The following MDN1 variants were observed in gnomAD, a reference collection of about 807,000 sequenced individuals.
MDN1 encodes midasin.
Under a neutral mutation model 669.2 loss-of-function variants are expected in MDN1, and 266 were observed. The observed-to-expected ratio is 0.40, with a 90% confidence interval of 0.36 to 0.44. The LOEUF (loss-of-function observed/expected upper bound fraction) is 0.44. MDN1 is among the 20% of genes least tolerant of loss of function. MDN1 has a pLI of 1.00. For synonymous variants in MDN1, 2,385 were observed against 2,457.1 expected (o/e 0.97, Z 0.87); for missense variants, 5,940 against 6,754.0 (o/e 0.88, Z 4.22).
At chr6:89,816,130 C>A (rs749037777) in intron 1 of MDN1, among the ~76,000 whole-genome samples, 3 of 152,132 alleles carry the variant, frequency 2.0e-5, no homozygotes, top group African/African-American at 4.8e-5. Flanking sequence ...CTGGGCGCAG[C>A]GGCTCACACC....
At chr6:89,671,883 C>G (rs1040559231) in intron 82 of MDN1, among the ~76,000 whole-genome samples, 11 of 152,280 alleles carry the variant, frequency 7.2e-5, no homozygotes, top group African/African-American at 2.6e-4. Context: ...GCTGCTAAGC[C>G]TCAGTTGATA....
chr6:89,770,694 G>T (rs1818038396), intron 15 of MDN1, among the ~76,000 whole-genome samples: 1 of 152,060 alleles, frequency 6.6e-6, no homozygotes, highest in Non-Finnish European at 1.5e-5. Flanking sequence ...GTAGAGATGG[G>T]ATTTCATCAT....
At chr6:89,656,974 G>C (rs909325746) in intron 90 of MDN1, among the ~76,000 whole-genome samples, 173 bp from the exon 91 acceptor site, 4 of 152,190 alleles carry the variant, frequency 2.6e-5, no homozygotes, top group African/African-American at 9.7e-5. Flanking sequence ...CTGGCCTACA[G>C]GCAGAAACAG....
chr6:89,658,670 G>A lies in MDN1; in HGVS notation c.14961C>T (p.Asp4987=). 1 of 1,613,850 alleles carries A rather than the reference G, an allele frequency of 6.2e-7. No homozygotes were observed. The highest frequency in any genetic ancestry group is 8.5e-7 in the Non-Finnish European group (1 of 1,179,732). The change falls in exon 89 of 102, where the codon GAC becomes GAT. Residue 4987 remains aspartate, a synonymous_variant. Coordinates refer to ENST00000369393, the MANE Select transcript of MDN1 (RefSeq NM_014611.3). ...CTCCACCTTCTTCATCGGCTTCCTT[G>A]TCTTTTTCCTCCACAGACTGCTGCT... The part of the protein sequence containing the change: ...EEQQQSVEEK[D]KEADEEGGEN...
intron 13 of MDN1, among the ~76,000 whole-genome samples, chr6:89,774,175 T>C (rs565857782): frequency 7.9e-5 from 12 of 152,312 alleles, no homozygotes; most frequent in African/African-American, 2.4e-4. Flanking sequence ...AGGATACTAA[T>C]ATATTAATTC....
chr6:89,652,002 T>C (rs1380553064), intron 95 of MDN1, among the ~76,000 whole-genome samples, 190 bp downstream of exon 95: 1 of 152,220 alleles, frequency 6.6e-6, no homozygotes, highest in African/African-American at 2.4e-5. Flanking sequence ...AATTAAGCTA[T>C]AGATCTAACA....
intron 13 of MDN1, 37 bp downstream of exon 13, chr6:89,774,584 C>T: frequency 6.7e-7 from 1 of 1,493,040 alleles, no homozygotes; most frequent in South Asian, 1.1e-5. Flanking sequence ...TTTCTGGAAA[C>T]CCCACAGTTG....
intron 20 of MDN1, among the ~76,000 whole-genome samples, chr6:89,754,888 T>C (rs1214152576): frequency 1.3e-5 from 2 of 152,210 alleles, no homozygotes; most frequent in African/African-American, 4.8e-5. Context: ...CTTTGCTACC[T>C]AACAAAATAT....
At chr6:89,732,407 G>A (rs1424258026) in intron 34 of MDN1, 150 bp downstream of exon 34, 2 of 667,288 alleles carry the variant, frequency 3.0e-6, no homozygotes, top group Non-Finnish European at 5.1e-6. Flanking sequence ...ACCTTTCAAA[G>A]AGTACAAACA....
chr6:89,707,248 G>A (rs1436391790), intron 52 of MDN1, 113 bp downstream of exon 52: 14 of 715,224 alleles, frequency 2.0e-5, no homozygotes, highest in Non-Finnish European at 3.1e-5. Context: ...AATCAGGCCA[G>A]CAGATTAAAA....
At chr6:89,741,168 G>C (rs1283867448) in intron 31 of MDN1, among the ~76,000 whole-genome samples, 1 of 152,180 alleles carries the variant, frequency 6.6e-6, no homozygotes, top group African/African-American at 2.4e-5. Context: ...AGAGGCAGAA[G>C]CTGCAGTGAG....
chr6:89,749,494 A>G (rs370012145), intron 25 of MDN1, 49 bp downstream of exon 25: 7 of 1,599,356 alleles, frequency 4.4e-6, no homozygotes, highest in East Asian at 2.2e-5. Context: ...CGAAAAATCT[A>G]CTATCTGATG....
rs1283857038 is a variant in MDN1, at chr6:89,683,923, T to C, written c.11830-19A>G. ...CAAATTCCTGTAAGATAAATGATGTTCAAGAAATGGCTTTATAAAGCTAGT... is the reference window on the plus strand; with the variant it reads ...CAAATTCCTGTAAGATAAATGATGTCCAAGAAATGGCTTTATAAAGCTAGT... On this transcript the variant is annotated intron_variant, in intron 71 of 101. Coordinates refer to ENST00000369393, the MANE Select transcript of MDN1 (RefSeq NM_014611.3). 1 of 1,582,182 alleles carries C rather than the reference T, an allele frequency of 6.3e-7. No individual in the cohort carries two copies. Among genetic ancestry groups the C allele is most frequent in the South Asian group, 1.1e-5 (1 of 89,934 alleles).
At chr6:89,790,917 G>A (rs775574932) in intron 5 of MDN1, among the ~76,000 whole-genome samples, 38 of 152,160 alleles carry the variant, frequency 2.5e-4, no homozygotes, top group Non-Finnish European at 5.9e-5. Flanking sequence ...CAGCTACTCG[G>A]GAAGCTAAGG....
At chr6:89,674,757 G>C (rs1294215547) in intron 78 of MDN1, among the ~76,000 whole-genome samples, 168 bp from the exon 79 acceptor site, 1 of 152,144 alleles carries the variant, frequency 6.6e-6, no homozygotes, top group Non-Finnish European at 1.5e-5. Context: ...GCCTCCCAAA[G>C]TACTTAAACC....
intron 50 of MDN1, among the ~76,000 whole-genome samples, chr6:89,710,129 G>A (rs563820708): frequency 6.6e-6 from 1 of 152,176 alleles, no homozygotes; most frequent in South Asian, 2.1e-4. Context: ...CAAATATCTC[G>A]TGGTTTGAAA....
intron 2 of MDN1, among the ~76,000 whole-genome samples, chr6:89,795,882 G>A (rs1819566277): frequency 6.6e-6 from 1 of 152,194 alleles, no homozygotes; most frequent in Admixed American, 6.6e-5. Context: ...TTGAACCCGG[G>A]AAGCGGAGGT....
At chr6:89,659,686 T>G (rs555105216) in intron 88 of MDN1, among the ~76,000 whole-genome samples, 25 of 152,082 alleles carry the variant, frequency 1.6e-4, no homozygotes, top group Non-Finnish European at 3.4e-4. Flanking sequence ...ATAGGAAAAT[T>G]TTAGGCCAAT....
intron 78 of MDN1, 57 bp downstream of exon 78, chr6:89,675,407 T>G (rs547916081): frequency 4.4e-5 from 64 of 1,455,452 alleles, no homozygotes; most frequent in Non-Finnish European, 6.0e-5. Flanking sequence ...AACTCTGAGC[T>G]GACTTGGATC....
Sources: gnomAD v4.1 joint callset for allele counts (sites outside exome capture counted in the v4.1 genomes callset) on GRCh38, gnomAD v4.1.1 for gene constraint, MANE v1.5 for transcripts, NCBI Gene and HGNC (gene_info 2026-07-23, HGNC 2026-07-21) for gene names.